The following PTPRC variants were observed in gnomAD, a reference collection of about 807,000 sequenced individuals.
PTPRC encodes receptor-type tyrosine-protein phosphatase C.
In PTPRC, 44 loss-of-function variants were observed where a neutral mutation model predicts 155.9. That is an observed-to-expected ratio of 0.28 (90% CI 0.22 to 0.36). The LOEUF is 0.36. Ranked by LOEUF, PTPRC falls within the 10% of genes least tolerant of loss-of-function variation. The probability of loss-of-function intolerance (pLI) is 1.00; values close to 1 mark genes in which losing one functional copy is unlikely to be tolerated. For synonymous variants in PTPRC, 525 were observed against 533.1 expected (o/e 0.98, Z 0.21); for missense variants, 1,401 against 1,564.6 (o/e 0.90, Z 1.76).
intron 2 of PTPRC, among the ~76,000 whole-genome samples, chr1:198,667,868 T>C (rs1160553836): frequency 6.6e-6 from 1 of 152,164 alleles, no homozygotes; most frequent in Non-Finnish European, 1.5e-5. Context: ...TCTCAGGCAT[T>C]CTAGGCAGTG....
rs74519251 is a variant in PTPRC, at chr1:198,704,778, G to A, written c.685+280G>A. ...GAACTGTGCCTACTTGCTGGGCGTCGAATTCAATTTTACTGCAAACCTCAG... is the reference window on the plus strand; with the variant it reads ...GAACTGTGCCTACTTGCTGGGCGTCAAATTCAATTTTACTGCAAACCTCAG... On this transcript the variant is annotated intron_variant, in intron 8 of 32. Coordinates refer to ENST00000442510, the MANE Select transcript of PTPRC (RefSeq NM_002838.5). Among the ~76,000 whole-genome samples, 464 of 152,262 alleles carry A rather than the reference G, an allele frequency of 3.0e-3. 1 individual carries two copies. Among genetic ancestry groups the A allele is most frequent in the African/African-American group, 0.01 (434 of 41,542 alleles).
intron 26 of PTPRC, among the ~76,000 whole-genome samples, chr1:198,746,893 T>C (rs553483075): frequency 6.6e-6 from 1 of 151,934 alleles, no homozygotes; most frequent in East Asian, 2.0e-4. Context: ...AATTCAGTGA[T>C]GATATTTTCT....
At chr1:198,658,873 T>C (rs1663761128) in intron 2 of PTPRC, among the ~76,000 whole-genome samples, 1 of 152,094 alleles carries the variant, frequency 6.6e-6, no homozygotes, top group Non-Finnish European at 1.5e-5. Flanking sequence ...AGAGTAAGAA[T>C]CTTTAGAAGA....
At position 198,756,365 on chromosome 1, in the gene PTPRC, C is replaced by A; in HGVS notation, c.*184C>A. 2.6e-6 allele frequency: 2 copies of A among 760,892 alleles called. No individual in the cohort carries two copies. The highest frequency in any genetic ancestry group is 4.1e-6 in the Non-Finnish European group (2 of 485,790). 47.1% of individuals were successfully genotyped at this position (760,892 alleles called of 1,614,324 possible). A position where few individuals can be genotyped will look rare whatever the true frequency, so the allele number is the denominator to read the frequency against. On this transcript the variant is annotated 3_prime_UTR_variant, in exon 33 of 33. Transcript: ENST00000442510. ...GATAGTTTTGCCAGAACAGTTTGTA[C>A]AGACGTATGCTTATTTTAAAATTTT...
In PTPRC at chr1:198,675,912, G is replaced by T. The variant is rs139188984; in HGVS notation, c.74-16435G>T. Among the ~76,000 whole-genome samples the T allele has an allele frequency of 2.0e-4, 31 of 152,242 alleles. No homozygotes were observed. In the East Asian group the frequency reaches 6.0e-3, roughly 29 times the overall value. ...ATTGGAAGCATTATTGTAGAACTGT[G>T]TCAAAGACCGAAATATCATTCCTAC... On this transcript the variant is annotated intron_variant, in intron 2 of 32. Coordinates refer to ENST00000442510, the MANE Select transcript of PTPRC (RefSeq NM_002838.5).
At chr1:198,696,471 A>C (rs1666208994) in intron 3 of PTPRC, among the ~76,000 whole-genome samples, 1 of 151,948 alleles carries the variant, frequency 6.6e-6, no homozygotes, top group Non-Finnish European at 1.5e-5. Context: ...TCTACATATT[A>C]TATGTATCTC....
At chr1:198,727,332 A>G (rs940498447) in intron 15 of PTPRC, among the ~76,000 whole-genome samples, 1 of 151,886 alleles carries the variant, frequency 6.6e-6, no homozygotes, top group African/African-American at 2.4e-5. Context: ...TCTTCTGTTC[A>G]TTATTAATTA....
chr1:198,724,145 C>A lies in PTPRC; in HGVS notation c.1720+1669C>A, dbSNP rs538428115. On this transcript the variant is annotated intron_variant, in intron 15 of 32. Coordinates refer to ENST00000442510, the MANE Select transcript of PTPRC (RefSeq NM_002838.5). ...ACGGAGCCAAAAAATTAGCCCTCATCTTTTTCCACAAAGGAGACAACATTG... is the reference window on the plus strand; with the variant it reads ...ACGGAGCCAAAAAATTAGCCCTCATATTTTTCCACAAAGGAGACAACATTG... Among the ~76,000 whole-genome samples, 31 of 152,284 alleles carry A rather than the reference C, an allele frequency of 2.0e-4. No homozygotes were observed. In the South Asian group the frequency reaches 3.1e-3, roughly 15 times the overall value.
At chr1:198,640,188 A>G (rs1436419027) in intron 2 of PTPRC, among the ~76,000 whole-genome samples, 2 of 152,018 alleles carry the variant, frequency 1.3e-5, no homozygotes, top group Non-Finnish European at 2.9e-5. Context: ...AATATGAATC[A>G]TGAGTACATT....
At chr1:198,642,932 CTTT>C (rs1345926782) in intron 2 of PTPRC, among the ~76,000 whole-genome samples, 2 of 147,564 alleles carry the variant, frequency 1.4e-5, no homozygotes, top group African/African-American at 5.0e-5. Flanking sequence ...TTCTTTCTTT[CTTT>C]CTTTCTTTCT....
chr1:198,681,684 A>G (rs1176660629), intron 2 of PTPRC, among the ~76,000 whole-genome samples: 5 of 152,216 alleles, frequency 3.3e-5, no homozygotes, highest in South Asian at 2.1e-4. Flanking sequence ...GGCCAAATCA[A>G]TGGTGACTTT....
intron 15 of PTPRC, among the ~76,000 whole-genome samples, chr1:198,723,664 A>G (rs1341499086): frequency 6.6e-6 from 1 of 152,208 alleles, no homozygotes; most frequent in African/African-American, 2.4e-5. Flanking sequence ...TCACATCTTA[A>G]TAGGCCAGAT....
rs1390003224 is a variant in PTPRC, at chr1:198,757,267, T to G, written c.*1086T>G. ...AATCATAATAAAATTCAACCATTATTTTTTTCTTGTTTATAATACATTGTG... is the reference window on the plus strand; with the variant it reads ...AATCATAATAAAATTCAACCATTATGTTTTTCTTGTTTATAATACATTGTG... On this transcript the variant is annotated 3_prime_UTR_variant, in exon 33 of 33. Coordinates refer to ENST00000442510, the MANE Select transcript of PTPRC (RefSeq NM_002838.5). 6.6e-6 allele frequency: 1 copy of G among 151,794 alleles called. No individual in the cohort carries two copies. The highest frequency in any genetic ancestry group is 1.5e-5 in the Non-Finnish European group (1 of 67,814). The allele number at this position is 151,794 out of a possible 1,614,324, so 9.4% of individuals were successfully genotyped here.
chr1:198,741,621 G>A (rs1016528050), intron 23 of PTPRC, among the ~76,000 whole-genome samples: 1 of 151,626 alleles, frequency 6.6e-6, no homozygotes, highest in African/African-American at 2.4e-5. Context: ...TTACCTTACT[G>A]TTAAGTTATT....
chr1:198,652,710 G>A (rs553281479), intron 2 of PTPRC, among the ~76,000 whole-genome samples: 25 of 151,628 alleles, frequency 1.6e-4, no homozygotes, highest in Admixed American at 4.6e-4. Flanking sequence ...AGAAGAGAGG[G>A]AACCCAGGAG....
In PTPRC at chr1:198,642,940, C is replaced by CTTT. The variant is rs1207905505; in HGVS notation, c.73+3600_73+3602dup. On this transcript the variant is annotated intron_variant, in intron 2 of 32. Transcript: ENST00000442510. ...TCTTTCTTTCTTTCTTTCTTTCTTT[C>CTTT]TTTCTTTCTTTCTTTCTTTCTTTCT... is the stretch of plus-strand genomic sequence containing the variant. 2.0e-5 allele frequency among the ~76,000 whole-genome samples: 3 copies of CTTT among 147,634 alleles called. No homozygotes were observed. The Admixed American group carries it at 2.0e-4, about 10-fold the overall frequency.
At chr1:198,704,616 C>T (rs1174284457) in intron 8 of PTPRC, 118 bp downstream of exon 8, 3 of 1,579,976 alleles carry the variant, frequency 1.9e-6, no homozygotes, top group Non-Finnish European at 1.7e-6. Flanking sequence ...GCTCTAATTT[C>T]TCACCGATGA....
intron 2 of PTPRC, among the ~76,000 whole-genome samples, chr1:198,677,480 A>C (rs1359984742): frequency 6.6e-6 from 1 of 151,690 alleles, no homozygotes; most frequent in Non-Finnish European, 1.5e-5. Context: ...TTTTTTTCTA[A>C]AAGACTCATC....
chr1:198,711,102 GCATGAGC>G (rs1653277307), intron 11 of PTPRC, among the ~76,000 whole-genome samples: 1 of 152,130 alleles, frequency 6.6e-6, no homozygotes, highest in Non-Finnish European at 1.5e-5. Context: ...GGAATTACAG[GCATGAGC>G]CACCATGCCC....
Sources: gnomAD v4.1 joint callset for allele counts (sites outside exome capture counted in the v4.1 genomes callset) on GRCh38, gnomAD v4.1.1 for gene constraint, MANE v1.5 for transcripts, NCBI Gene and HGNC (gene_info 2026-07-23, HGNC 2026-07-21) for gene names.